Variants in TBC1D5 observed in about 807,000 individuals in gnomAD.
TBC1D5 encodes the protein TBC1 domain family, member 5.
In TBC1D5, 75 loss-of-function variants were observed where a neutral mutation model predicts 100.3. The ratio of observed to expected loss-of-function variants is 0.75; its 90% CI spans 0.62 to 0.91. TBC1D5 has a LOEUF of 0.91. TBC1D5 is among the 40% of genes least tolerant of loss of function. The pLI, the probability that TBC1D5 is intolerant of heterozygous loss-of-function variation, is 0.00. For synonymous variants in TBC1D5, 323 were observed against 325.6 expected (o/e 0.99, Z 0.09); for missense variants, 910 against 942.4 (o/e 0.97, Z 0.45).
chr3:17,301,545 T>C (rs976024055), intron 14 of TBC1D5, among the ~76,000 whole-genome samples: 8 of 152,134 alleles, frequency 5.3e-5, no homozygotes, highest in African/African-American at 1.9e-4. Context: ...TTTAGAGATA[T>C]GAAAGAATTG....
At chr3:17,684,049 G>C (rs1406218731) in intron 1 of TBC1D5, among the ~76,000 whole-genome samples, 1 of 151,944 alleles carries the variant, frequency 6.6e-6, no homozygotes, top group Non-Finnish European at 1.5e-5. Flanking sequence ...GGGCTGGGTA[G>C]ATTATTCAAT....
rs71634804 is a variant in TBC1D5 at position 17,428,411 on chromosome 3, G to GTA, written c.167+37_167+38dup. The stretch of plus-strand genomic sequence containing the variant: ...TAATATTATATGTGTGTGTGTGTGT[G>GTA]TATATATATATATATATATATATGT... On this transcript the variant is annotated intron_variant, in intron 4 of 21. Coordinates refer to ENST00000253692, the Ensembl canonical transcript of TBC1D5. 9.6e-3 allele frequency: 2,072 copies of GTA among 214,840 alleles called. 9 individuals carry two copies. Among genetic ancestry groups the GTA allele is most frequent in the South Asian group, 0.021 (122 of 5,892 alleles). 13.3% of individuals were successfully genotyped at this position (214,840 alleles called of 1,614,324 possible). A position where few individuals can be genotyped will look rare whatever the true frequency, so the allele number is the denominator to read the frequency against.
rs190984832 is a variant in TBC1D5, at chr3:17,570,559, T to C, written c.-36+53290A>G. ...CATACCCACTACCTAGATTCTACAA[T>C]TGACATTTTACTGTATGTATTGTAT... On this transcript the variant is annotated intron_variant, in intron 2 of 21. Coordinates refer to ENST00000253692, the Ensembl canonical transcript of TBC1D5. 1.0e-3 allele frequency among the ~76,000 whole-genome samples: 159 copies of C among 152,174 alleles called. 2 individuals carry two copies. The South Asian group carries it at 0.019, about 18-fold the overall frequency.
chr3:17,610,245 C>T (rs936805471), intron 2 of TBC1D5, among the ~76,000 whole-genome samples: 2 of 152,034 alleles, frequency 1.3e-5, no homozygotes, highest in Non-Finnish European at 2.9e-5. Context: ...AGAGCAGTGG[C>T]GTGATTATGG....
chr3:17,178,198 T>C (rs2068027773), intron 19 of TBC1D5, among the ~76,000 whole-genome samples: 1 of 151,962 alleles, frequency 6.6e-6, no homozygotes, highest in Non-Finnish European at 1.5e-5. Flanking sequence ...CCTGAGTAGC[T>C]GGGACTACAT....
intron 2 of TBC1D5, among the ~76,000 whole-genome samples, chr3:17,558,920 G>C (rs2096538948): frequency 6.6e-6 from 1 of 152,126 alleles, no homozygotes; most frequent in South Asian, 2.1e-4. Context: ...TGCCAGGCCA[G>C]ATTTGCCTCA....
At chr3:17,416,974 T>C (rs1184581523) in intron 4 of TBC1D5, among the ~76,000 whole-genome samples, 1 of 152,186 alleles carries the variant, frequency 6.6e-6, no homozygotes, top group East Asian at 1.9e-4. Flanking sequence ...GGCCATGGGA[T>C]AAACTTTTGT....
At chr3:17,363,411 A>G (rs1438932694) in intron 13 of TBC1D5, among the ~76,000 whole-genome samples, 1 of 151,866 alleles carries the variant, frequency 6.6e-6, no homozygotes, top group Non-Finnish European at 1.5e-5. Context: ...ATCAATCTAA[A>G]TGAAAATTAT....
At chr3:17,533,085 A>C (rs1341287917) in intron 2 of TBC1D5, among the ~76,000 whole-genome samples, 3 of 151,180 alleles carry the variant, frequency 2.0e-5, no homozygotes, top group Non-Finnish European at 4.4e-5. Context: ...ACACACACAC[A>C]CACACACACA....
intron 2 of TBC1D5, among the ~76,000 whole-genome samples, chr3:17,542,738 T>G (rs940073647): frequency 3.9e-5 from 6 of 152,214 alleles, no homozygotes; most frequent in Non-Finnish European, 8.8e-5. Flanking sequence ...TTCCCTTCAT[T>G]CTGTTATTGT....
At chr3:17,433,245 G>C (rs767829886) in intron 3 of TBC1D5, among the ~76,000 whole-genome samples, 4 of 152,140 alleles carry the variant, frequency 2.6e-5, no homozygotes, top group Admixed American at 6.5e-5. Flanking sequence ...GACATGAATA[G>C]AACATACAAC....
intron 8 of TBC1D5, among the ~76,000 whole-genome samples, chr3:17,400,069 T>C (rs2093607197): frequency 6.6e-6 from 1 of 152,140 alleles, no homozygotes; most frequent in Non-Finnish European, 1.5e-5. Flanking sequence ...TATCTATACA[T>C]GCTTACTGTC....
At chr3:17,465,582 C>T (rs894761510) in intron 3 of TBC1D5, 6 of 152,208 alleles carry the variant, frequency 3.9e-5, no homozygotes, top group African/African-American at 9.7e-5. Context: ...TAAGAAATCA[C>T]ACCTCATCCT....
chr3:17,408,391 C>T (rs560140354), intron 4 of TBC1D5, among the ~76,000 whole-genome samples: 88 of 152,020 alleles, frequency 5.8e-4, no homozygotes, highest in African/African-American at 2.1e-3. Context: ...TCACTTTAGC[C>T]TTGAACTCCT....
chr3:17,275,383 T>C (rs2079869851), intron 15 of TBC1D5, among the ~76,000 whole-genome samples: 1 of 151,056 alleles, frequency 6.6e-6, no homozygotes, highest in African/African-American at 2.4e-5. Flanking sequence ...TACGAAAGAG[T>C]GAAAAAAAAT....
chr3:17,392,603 G>A (rs189113920), intron 8 of TBC1D5, among the ~76,000 whole-genome samples: 46 of 152,180 alleles, frequency 3.0e-4, no homozygotes, highest in South Asian at 2.3e-3. Context: ...TTACGGGTGA[G>A]AACATGCGGT....
intron 13 of TBC1D5, among the ~76,000 whole-genome samples, chr3:17,351,834 CT>C (rs2090621037): frequency 1.3e-5 from 2 of 150,948 alleles, no homozygotes; most frequent in African/African-American, 4.9e-5. Flanking sequence ...AAGAGATTCC[CT>C]AGCACTACCT....
At chr3:17,478,594 T>C (rs956398136) in intron 3 of TBC1D5, among the ~76,000 whole-genome samples, 1 of 152,246 alleles carries the variant, frequency 6.6e-6, no homozygotes, top group African/African-American at 2.4e-5. Context: ...AAAATTATTA[T>C]AGGATTGTTC....
intron 2 of TBC1D5, among the ~76,000 whole-genome samples, chr3:17,531,791 G>A (rs2096230045): frequency 6.6e-6 from 1 of 152,190 alleles, no homozygotes; most frequent in Non-Finnish European, 1.5e-5. Context: ...TATGTAGAAA[G>A]CTGAAACTGG....
Sources: gnomAD v4.1 joint callset for allele counts (sites outside exome capture counted in the v4.1 genomes callset) on GRCh38, gnomAD v4.1.1 for gene constraint, MANE v1.5 for transcripts, NCBI Gene and HGNC (gene_info 2026-07-23, HGNC 2026-07-21) for gene names.